The following MYOM2 variants were observed in gnomAD, a reference collection of about 807,000 sequenced individuals.
MYOM2 encodes the protein myomesin-2.
In MYOM2, 254 loss-of-function variants were observed where a neutral mutation model predicts 187.6. That is an observed-to-expected ratio of 1.35 (90% CI 1.22 to 1.50). The LOEUF (loss-of-function observed/expected upper bound fraction) is 1.50. Ranked by LOEUF, MYOM2 falls within the 40% of genes most tolerant of loss-of-function variation. MYOM2 has a pLI of 0.00. For synonymous variants in MYOM2, 981 were observed against 753.8 expected, an observed-to-expected ratio of 1.30 and a Z score of -4.94; for missense variants, 2,796 against 1,924.0, an observed-to-expected ratio of 1.45 and a Z score of -8.48.
At chr8:2,090,212 G>C (rs542742313) in intron 15 of MYOM2, 21 bp downstream of exon 15, 8 of 1,604,742 alleles carry the variant, frequency 5.0e-6, no homozygotes, top group Non-Finnish European at 6.8e-6. Context: ...ACACTGGGTG[G>C]CCCCAAGTCA....
chr8:2,096,009 T>C (rs1025599536), intron 17 of MYOM2, among the ~76,000 whole-genome samples: 1 of 152,208 alleles, frequency 6.6e-6, no homozygotes, highest in African/African-American at 2.4e-5. Context: ...GTAGATACAC[T>C]TAGAAATAGC....
intron 32 of MYOM2, among the ~76,000 whole-genome samples, chr8:2,134,185 G>A (rs1192903840): frequency 6.6e-6 from 1 of 152,096 alleles, no homozygotes; most frequent in Admixed American, 6.5e-5. Context: ...TTGAATCTCA[G>A]GTCCCATGTT....
chr8:2,083,650 A>C (rs1819711690), intron 13 of MYOM2, among the ~76,000 whole-genome samples: 1 of 152,162 alleles, frequency 6.6e-6, no homozygotes, highest in South Asian at 2.1e-4. Context: ...CTCTCAGGGC[A>C]GGGTCATCAC....
At chr8:2,094,646 C>T (rs1370545356) in intron 17 of MYOM2, among the ~76,000 whole-genome samples, 5 of 152,070 alleles carry the variant, frequency 3.3e-5, no homozygotes, top group Admixed American at 6.6e-5. Context: ...AGCAAGACTC[C>T]GTCTCAAAAA....
intron 21 of MYOM2, among the ~76,000 whole-genome samples, chr8:2,103,792 G>A (rs1164127700): frequency 4.0e-5 from 6 of 151,604 alleles, no homozygotes; most frequent in African/African-American, 1.5e-4. Context: ...TTATGTGTAT[G>A]TATGTATAGG....
At chr8:2,088,373 G>C (rs1009912774) in intron 14 of MYOM2, among the ~76,000 whole-genome samples, 1 of 152,240 alleles carries the variant, frequency 6.6e-6, no homozygotes, top group African/African-American at 2.4e-5. Flanking sequence ...AGGTGCAGTT[G>C]ATCTCGTCAC....
intron 32 of MYOM2, among the ~76,000 whole-genome samples, chr8:2,132,623 G>A (rs1301447588): frequency 6.6e-6 from 1 of 151,930 alleles, no homozygotes; most frequent in Non-Finnish European, 1.5e-5. Flanking sequence ...GTCTTGCTCT[G>A]TCACCCGGGC....
chr8:2,053,502 C>T (rs1043127379), intron 3 of MYOM2, among the ~76,000 whole-genome samples: 1 of 152,184 alleles, frequency 6.6e-6, no homozygotes, highest in East Asian at 1.9e-4. Flanking sequence ...GAACATATTG[C>T]ATAAACTTCC....
intron 25 of MYOM2, among the ~76,000 whole-genome samples, chr8:2,114,909 C>A (rs1235434458): frequency 1.3e-5 from 2 of 152,024 alleles, no homozygotes; most frequent in African/African-American, 2.4e-5. Context: ...CAGGAAAACT[C>A]GTTTTCAGAA....
At chr8:2,104,563 C>T (rs1393310918) in intron 21 of MYOM2, among the ~76,000 whole-genome samples, 2 of 151,770 alleles carry the variant, frequency 1.3e-5, no homozygotes, top group Non-Finnish European at 2.9e-5. Flanking sequence ...CGAGATCGCG[C>T]CACTGCACTC....
chr8:2,053,622 C>T (rs1258159363), intron 3 of MYOM2, among the ~76,000 whole-genome samples: 3 of 152,208 alleles, frequency 2.0e-5, no homozygotes, highest in Non-Finnish European at 4.4e-5. Context: ...TGGAAATTGT[C>T]CTAAAACACA....
intron 19 of MYOM2, chr8:2,100,619 A>C (rs1474331276): frequency 2.1e-6 from 1 of 480,524 alleles, no homozygotes. Flanking sequence ...TGGTCCCGAG[A>C]ATGCAGTGTG....
intron 32 of MYOM2, among the ~76,000 whole-genome samples, chr8:2,140,411 G>A (rs1234093617): frequency 1.4e-5 from 2 of 143,284 alleles, no homozygotes; most frequent in Admixed American, 7.1e-5. Flanking sequence ...GCTGGATCAT[G>A]TAGTAGTTCT....
At chr8:2,051,433 G>A (rs1254099317) in intron 2 of MYOM2, among the ~76,000 whole-genome samples, 2 of 152,158 alleles carry the variant, frequency 1.3e-5, no homozygotes, top group African/African-American at 2.4e-5. Flanking sequence ...TTGTGTAGCA[G>A]CAAATCTGCA....
intron 35 of MYOM2, among the ~76,000 whole-genome samples, chr8:2,142,684 TC>T (rs2116925685): frequency 9.3e-6 from 1 of 107,136 alleles, no homozygotes; most frequent in African/African-American, 3.6e-5. Flanking sequence ...TTTCTTTCCC[TC>T]CCTTCCTCCC....
chr8:2,052,585 C>T (rs959645070), intron 3 of MYOM2, among the ~76,000 whole-genome samples: 3 of 152,264 alleles, frequency 2.0e-5, no homozygotes, highest in African/African-American at 7.2e-5. Context: ...GCTCACGCCA[C>T]TGCCCAGGAT....
At chr8:2,084,691 C>T (rs1268292744) in intron 13 of MYOM2, among the ~76,000 whole-genome samples, 2 of 152,212 alleles carry the variant, frequency 1.3e-5, no homozygotes, top group Non-Finnish European at 1.5e-5. Context: ...GGCTTATCAA[C>T]ATCACTCCAG....
At position 2,079,507 on chromosome 8, in the gene MYOM2, C is replaced by T. The variant is rs538495082; in HGVS notation, c.1463-53C>T. Reference sequence around the variant, plus strand: ...CTGGCACAGAATGAGGGAAAACGGGCTTTTGGGGAAAACTTCGCATGTCAA... The same window carrying T: ...CTGGCACAGAATGAGGGAAAACGGGTTTTTGGGGAAAACTTCGCATGTCAA... On this transcript the variant is annotated intron_variant, in intron 12 of 36. Transcript: ENST00000262113. The T allele has an allele frequency of 1.9e-6, 3 of 1,586,974 alleles. No individual in the cohort carries two copies. The Admixed American group carries it at 5.0e-5, about 26-fold the overall frequency.
chr8:2,143,360 C>A, intron 35 of MYOM2, 41 bp from the exon 36 acceptor site: 1 of 1,613,532 alleles, frequency 6.2e-7, no homozygotes. Flanking sequence ...GTGGGAACGT[C>A]CCGCAGATGT....
Sources: allele counts gnomAD v4.1 joint callset (sites outside exome capture counted in the v4.1 genomes callset), GRCh38; gene constraint gnomAD v4.1.1; transcripts MANE v1.5; gene names NCBI Gene and HGNC (gene_info 2026-07-23, HGNC 2026-07-21).